WIPI1: variants seen among roughly 807,000 people sequenced by gnomAD.
The protein encoded by WIPI1 is WD repeat domain phosphoinositide-interacting protein 1.
WIPI1 carries 45 observed loss-of-function variants against 55.3 expected under a neutral mutation model. The ratio of observed to expected loss-of-function variants is 0.81; its 90% CI spans 0.64 to 1.04. The LOEUF (loss-of-function observed/expected upper bound fraction) is 1.04, where lower values mean the gene tolerates loss of function less well. WIPI1 is among the 50% of genes least tolerant of loss of function. The probability of loss-of-function intolerance (pLI) is 0.00; values close to 1 mark genes in which losing one functional copy is unlikely to be tolerated. For missense variants in WIPI1, 445 were observed against 559.0 expected (o/e 0.80, Z 2.06); for synonymous variants, 195 against 217.6 (o/e 0.90, Z 0.92).
At chr17:68,426,981 G>A (rs1009739723) in intron 11 of WIPI1, among the ~76,000 whole-genome samples, 154 bp downstream of exon 11, 6 of 152,050 alleles carry the variant, frequency 3.9e-5, no homozygotes, top group African/African-American at 1.4e-4. Context: ...TTCAAGGAGA[G>A]CACTCCACCC....
Position 68,428,869 on chromosome 17 carries a change from G to A in WIPI1, c.1033C>T (p.Pro345Ser), listed in dbSNP as rs772489315. 1.2e-6 allele frequency: 2 copies of A among 1,614,016 alleles called. No homozygotes were observed. Among genetic ancestry groups the A allele is most frequent in the African/African-American group, 2.7e-5 (2 of 74,920 alleles). The stretch of plus-strand genomic sequence containing the variant: ...AAGACACACTCTCCTCCATCCTGAG[G>A]ATCCAAATTGTACATATAAAGGTGT... ...SGHLYMYNLD[P>S]QDGGECVLIK... The change falls in exon 10 of 13, where the codon CCT becomes TCT. Residue 345 changes from proline to serine, a missense_variant. Coordinates refer to ENST00000262139, the MANE Select transcript of WIPI1 (RefSeq NM_017983.7).
intron 12 of WIPI1, among the ~76,000 whole-genome samples, chr17:68,424,828 G>A (rs924777705): frequency 1.5e-4 from 23 of 151,798 alleles, no homozygotes; most frequent in Middle Eastern, 3.2e-3. Flanking sequence ...AGCGAGCCGA[G>A]ATCACACCAC....
Position 68,426,182 on chromosome 17 carries a change from A to C in WIPI1, c.1193-7T>G, listed in dbSNP as rs1200230654. On this transcript the variant is annotated splice_region_variant and splice_polypyrimidine_tract_variant and intron_variant, in intron 11 of 12. Transcript: ENST00000262139. ...CCGCCGTCCTCAGAATAACCTGGAA[A>C]CCAAGAAAGAGACATGAAACAAGCA... The C allele has an allele frequency of 1.3e-5, 21 of 1,580,294 alleles. No individual in the cohort carries two copies. Among genetic ancestry groups the C allele is most frequent in the Non-Finnish European group, 1.8e-5 (21 of 1,160,686 alleles).
At chr17:68,450,695 A>T (rs554912471) in intron 3 of WIPI1, 33 bp downstream of exon 3, 23 of 1,574,836 alleles carry the variant, frequency 1.5e-5, no homozygotes, top group Non-Finnish European at 2.0e-5. Flanking sequence ...CGTTAGCAGA[A>T]GCTTTGAAAC....
Position 68,444,550 on chromosome 17 carries a change from T to G in WIPI1, c.373A>C (p.Asn125His). The G allele has an allele frequency of 1.2e-6, 2 of 1,614,154 alleles. No individual in the cohort carries two copies. The highest frequency in any genetic ancestry group is 8.5e-7 in the Non-Finnish European group (1 of 1,180,024). The change falls in exon 4 of 13, where the codon AAC becomes CAC. Residue 125 changes from asparagine to histidine, a missense_variant. Asn to His is a moderately conservative substitution (Grantham distance 68). Coordinates refer to ENST00000262139, the MANE Select transcript of WIPI1 (RefSeq NM_017983.7). Reference protein sequence around the residue: ...VCLEESIYIHNIKDMKLLKTL... With the variant: ...VCLEESIYIHHIKDMKLLKTL... Reference sequence around the variant, plus strand: ...TTCAACAGCTTCATGTCTTTAATGTTGTGAATATAAATGGACTCTTCTAGG... The same window carrying G: ...TTCAACAGCTTCATGTCTTTAATGTGGTGAATATAAATGGACTCTTCTAGG...
Position 68,435,682 on chromosome 17 carries a change from C to T in WIPI1, c.559G>A (p.Gly187Arg). ...KTVCTIAAHE[G>R]TLAAITFNAS... is the part of the protein sequence containing the mutation. Reference sequence around the variant, plus strand: ...TTGAAGGTGATGGCAGCTAGTGTTCCCTCATGGGCAGCAATAGTGCAGACT... The same window carrying T: ...TTGAAGGTGATGGCAGCTAGTGTTCTCTCATGGGCAGCAATAGTGCAGACT... The change falls in exon 6 of 13, where the codon GGA becomes AGA. Residue 187 changes from glycine (G) to arginine (R), a missense_variant. Transcript: ENST00000262139. The T allele has an allele frequency of 6.2e-7, 1 of 1,614,180 alleles. No homozygotes were observed. The highest frequency in any genetic ancestry group is 8.5e-7 in the Non-Finnish European group (1 of 1,180,016).
At chr17:68,445,505 C>T (rs143245481) in intron 3 of WIPI1, among the ~76,000 whole-genome samples, 1,689 of 149,154 alleles carry the variant, frequency 0.011, 29 homozygotes, top group African/African-American at 0.039. Flanking sequence ...AGAAGGGCTT[C>T]GGCCCCATTT....
intron 10 of WIPI1, chr17:68,428,228 G>GT (rs200232572): frequency 0.14 from 18,718 of 135,790 alleles, 1,570 homozygotes; most frequent in East Asian, 0.35. Context: ...CAGGGAATAG[G>GT]TTTTTTTTTT....
At chr17:68,431,779 G>A (rs1345893116) in intron 8 of WIPI1, among the ~76,000 whole-genome samples, 4 of 152,298 alleles carry the variant, frequency 2.6e-5, no homozygotes, top group South Asian at 2.1e-4. Context: ...CAGGTTGAGC[G>A]GAGAACCCAG....
chr17:68,454,762 A>G (rs1243321821), intron 1 of WIPI1, among the ~76,000 whole-genome samples: 2 of 152,244 alleles, frequency 1.3e-5, no homozygotes, highest in African/African-American at 4.8e-5. Flanking sequence ...AAAGTTTGCA[A>G]GTAAGGAAAG....
Position 68,427,262 on chromosome 17 carries a change from G to A in WIPI1, c.1074-9C>T, listed in dbSNP as rs776770611. ...TTCCTGAGCCAAGCAAGCTACTTGT[G>A]ACAATCAAGAGGAGGTGAAAGAAAA... On this transcript the variant is annotated splice_polypyrimidine_tract_variant and intron_variant, in intron 10 of 12. Transcript: ENST00000262139. The A allele has an allele frequency of 2.7e-5, 44 of 1,603,704 alleles. No homozygotes were observed. The highest frequency in any genetic ancestry group is 3.6e-5 in the Non-Finnish European group (42 of 1,170,800).
chr17:68,430,193 G>GCAGCCCAGTCCCATC, intron 8 of WIPI1, 33 bp from the exon 9 acceptor site: 1 of 1,585,266 alleles, frequency 6.3e-7, no homozygotes, highest in Non-Finnish European at 8.6e-7. Flanking sequence ...CGATGGGACT[G>GCAGCCCAGTCCCATC]GGCTGCAGGC....
At chr17:68,436,004 G>A (rs2083768421) in intron 5 of WIPI1, among the ~76,000 whole-genome samples, 1 of 152,228 alleles carries the variant, frequency 6.6e-6, no homozygotes, top group South Asian at 2.1e-4. Flanking sequence ...CGCATCTTTA[G>A]GCAACTTCCC....
Position 68,433,417 on chromosome 17 carries a change from G to A in WIPI1, c.800+51C>T, listed in dbSNP as rs762306248. On this transcript the variant is annotated intron_variant, in intron 8 of 12. Transcript: ENST00000262139. Reference sequence around the variant, plus strand: ...TCATTCATGCCAGTAGAAGAGCCTAGGCCTGACTCCTTTCGTTTAATGAGC... The same window carrying A: ...TCATTCATGCCAGTAGAAGAGCCTAAGCCTGACTCCTTTCGTTTAATGAGC... 3 of 1,506,018 alleles carry A rather than the reference G, an allele frequency of 2.0e-6. No homozygotes were observed. The African/African-American group carries it at 4.1e-5, about 21-fold the overall frequency. The allele number at this position is 1,506,018 out of a possible 1,614,324, so 93.3% of individuals were successfully genotyped here.
intron 4 of WIPI1, among the ~76,000 whole-genome samples, chr17:68,437,016 ATG>A (rs71142180): frequency 2.1e-5 from 3 of 144,554 alleles, no homozygotes; most frequent in South Asian, 2.2e-4. Flanking sequence ...ATATATATAT[ATG>A]TGTGTGTGTG....
intron 3 of WIPI1, 126 bp from the exon 4 acceptor site, chr17:68,444,715 G>A: frequency 2.9e-6 from 2 of 681,132 alleles, no homozygotes; most frequent in East Asian, 2.8e-5. Flanking sequence ...TTTTGATGAT[G>A]CATTTTGAAG....
chr17:68,430,199 C>T (rs376170617), intron 8 of WIPI1, 39 bp from the exon 9 acceptor site: 1 of 1,577,688 alleles, frequency 6.3e-7, no homozygotes, highest in Non-Finnish European at 8.6e-7. Context: ...GACTGGGCTG[C>T]AGGCCCCACA....
intron 12 of WIPI1, 57 bp downstream of exon 12, chr17:68,426,018 A>T: frequency 7.1e-7 from 1 of 1,416,500 alleles, no homozygotes; most frequent in Non-Finnish European, 1.0e-6. Context: ...TATGAGGCGA[A>T]GGTTTCCTTC....
intron 12 of WIPI1, among the ~76,000 whole-genome samples, chr17:68,425,729 G>A (rs922633478): frequency 1.3e-5 from 2 of 152,142 alleles, no homozygotes; most frequent in Non-Finnish European, 2.9e-5. Context: ...AGGAAAATAA[G>A]TTTTAGACAA....
Sources: gnomAD v4.1 joint callset for allele counts (sites outside exome capture counted in the v4.1 genomes callset) on GRCh38, gnomAD v4.1.1 for gene constraint, MANE v1.5 for transcripts, NCBI Gene and HGNC (gene_info 2026-07-23, HGNC 2026-07-21) for gene names.